The following PIK3C2G variants were observed in gnomAD, a reference collection of about 807,000 sequenced individuals.
The protein encoded by PIK3C2G is phosphatidylinositol-4-phosphate 3-kinase catalytic subunit type 2 gamma.
In PIK3C2G, 168 loss-of-function variants were observed where a neutral mutation model predicts 181.1. That is an observed-to-expected ratio of 0.93 (90% CI 0.82 to 1.05). PIK3C2G has a LOEUF of 1.05. PIK3C2G is among the 50% of genes least tolerant of loss of function. The pLI, the probability that PIK3C2G is intolerant of heterozygous loss-of-function variation, is 0.00. For missense variants in PIK3C2G, 1,869 were observed against 1,732.8 expected (o/e 1.08, Z -1.40); for synonymous variants, 573 against 592.2 (o/e 0.97, Z 0.47).
At chr12:18,306,258 C>T (rs1239125122) in intron 5 of PIK3C2G, among the ~76,000 whole-genome samples, 1 of 151,908 alleles carries the variant, frequency 6.6e-6, no homozygotes, top group Non-Finnish European at 1.5e-5. Flanking sequence ...TGGTCCAAAT[C>T]CCTCTTGAGT....
At chr12:18,534,815 G>GA (rs148775105) in intron 24 of PIK3C2G, among the ~76,000 whole-genome samples, 11,703 of 123,612 alleles carry the variant, frequency 0.095, 688 homozygotes, top group African/African-American at 0.19. Flanking sequence ...AGAGAGAGAT[G>GA]AAAAAAAAAA....
intron 11 of PIK3C2G, among the ~76,000 whole-genome samples, chr12:18,350,479 G>C (rs1174941082): frequency 6.6e-6 from 1 of 152,052 alleles, no homozygotes; most frequent in South Asian, 2.1e-4. Flanking sequence ...TGTGCACAGG[G>C]GCAAGTTGAA....
intron 18 of PIK3C2G, among the ~76,000 whole-genome samples, chr12:18,485,538 A>G (rs377192196): frequency 1.7e-4 from 26 of 152,296 alleles, no homozygotes; most frequent in African/African-American, 5.8e-4. Context: ...TCTAGATTTT[A>G]TGCATTCATC....
At chr12:18,459,396 C>G (rs189176751) in intron 18 of PIK3C2G, among the ~76,000 whole-genome samples, 1 of 152,198 alleles carries the variant, frequency 6.6e-6, no homozygotes, top group African/African-American at 2.4e-5. Context: ...AATAAACTAG[C>G]CTATGTTAGG....
intron 24 of PIK3C2G, among the ~76,000 whole-genome samples, chr12:18,523,450 G>T (rs1177011625): frequency 1.3e-5 from 2 of 152,176 alleles, no homozygotes; most frequent in Non-Finnish European, 2.9e-5. Flanking sequence ...AGCAACATTG[G>T]TAGGATCACT....
At chr12:18,486,475 G>A (rs899679567) in intron 18 of PIK3C2G, among the ~76,000 whole-genome samples, 2 of 151,900 alleles carry the variant, frequency 1.3e-5, no homozygotes, top group African/African-American at 4.8e-5. Context: ...AGTATTATAC[G>A]TACAAATTAA....
At chr12:18,686,142 C>T in the PIK3C2G span, among the ~76,000 whole-genome samples, 3 of 151,948 alleles carry the variant, frequency 2.0e-5, no homozygotes, top group South Asian at 6.2e-4. Flanking sequence ...CATTCCTTTC[C>T]TACTGCCACG....
rs77412999 is a variant in PIK3C2G, at chr12:18,484,566, C to A, written c.2505-3883C>A. On this transcript the variant is annotated intron_variant, in intron 18 of 32. Coordinates refer to ENST00000538779, the MANE Select transcript of PIK3C2G (RefSeq NM_001288772.2). ...GGAATTTGCATTATCTGCAGACTTG[C>A]CCCATATAATGCTCTTTATATGCAA... is the stretch of plus-strand genomic sequence containing the variant. 2.1e-4 allele frequency among the ~76,000 whole-genome samples: 32 copies of A among 152,198 alleles called. No homozygotes were observed. The East Asian group carries it at 4.8e-3, about 23-fold the overall frequency.
intron 18 of PIK3C2G, among the ~76,000 whole-genome samples, chr12:18,461,415 A>G (rs74070267): frequency 0.014 from 2,189 of 152,296 alleles, 64 homozygotes; most frequent in African/African-American, 0.05. Context: ...GTAGTTAAAC[A>G]CTTGCATATG....
At chr12:18,721,163 TTAAA>T in the PIK3C2G span, among the ~76,000 whole-genome samples, 1 of 152,094 alleles carries the variant, frequency 6.6e-6, no homozygotes, top group South Asian at 2.1e-4. Context: ...TACTGAATAA[TTAAA>T]TAAATATCTT....
In PIK3C2G at chr12:18,538,269, T is replaced by C. The variant is rs1353303066; in HGVS notation, c.3437T>C (p.Ile1146Thr). The change falls in exon 25 of 33, where the codon ATT becomes ACT. Residue 1146 changes from isoleucine to threonine, a missense_variant. Physicochemically the swap from Ile to Thr is moderately conservative, Grantham distance 89. Transcript: ENST00000538779. The stretch of plus-strand genomic sequence containing the variant: ...GAACTTTGCTGTCGTGCTTATAATA[T>C]TATCAGAAAGCACAGCCAACTGCTC... ...FVELCCRAYN[I>T]IRKHSQLLLN... 1 of 1,611,944 alleles carries C rather than the reference T, an allele frequency of 6.2e-7. No individual in the cohort carries two copies. Among genetic ancestry groups the C allele is most frequent in the Non-Finnish European group, 8.5e-7 (1 of 1,178,948 alleles).
chr12:18,276,964 A>G (rs1450637733), intron 1 of PIK3C2G, among the ~76,000 whole-genome samples: 1 of 152,192 alleles, frequency 6.6e-6, no homozygotes. Flanking sequence ...GAAAACATCA[A>G]TTGTTCGCAT....
chr12:18,299,017 G>A (rs555173209), intron 5 of PIK3C2G, among the ~76,000 whole-genome samples: 142 of 151,986 alleles, frequency 9.3e-4, no homozygotes, highest in African/African-American at 3.3e-3. Context: ...GCTCAAGATT[G>A]CATTCACTAT....
At chr12:18,636,634 T>A (rs1565586401) in intron 31 of PIK3C2G, among the ~76,000 whole-genome samples, 1 of 152,092 alleles carries the variant, frequency 6.6e-6, no homozygotes, top group Non-Finnish European at 1.5e-5. Context: ...TGAAACCACA[T>A]CTAGTATAGC....
downstream of PIK3C2G, among the ~76,000 whole-genome samples, chr12:18,650,704 G>GTATATATCTATATATATA (rs1950449180): frequency 1.7e-5 from 1 of 57,764 alleles, no homozygotes; most frequent in African/African-American, 5.2e-5. Flanking sequence ...GTGTGTGTGT[G>GTATATATCTATATATATA]TATATATCTA....
chr12:18,651,403 C>T (rs548802821), downstream of PIK3C2G, among the ~76,000 whole-genome samples: 81 of 152,230 alleles, frequency 5.3e-4, 1 homozygote, highest in South Asian at 0.016. Flanking sequence ...ATCTTATGCA[C>T]TTATCATCTT....
intron 9 of PIK3C2G, among the ~76,000 whole-genome samples, chr12:18,339,998 A>T (rs1401385668): frequency 6.6e-6 from 1 of 152,154 alleles, no homozygotes; most frequent in Non-Finnish European, 1.5e-5. Context: ...TAATAAGGAA[A>T]CACCTTCTCT....
chr12:18,536,531 C>A (rs1297158093), intron 24 of PIK3C2G, among the ~76,000 whole-genome samples: 1 of 152,064 alleles, frequency 6.6e-6, no homozygotes, highest in Non-Finnish European at 1.5e-5. Context: ...ACAGTTTGTG[C>A]CTCTGCAAAA....
intron 5 of PIK3C2G, among the ~76,000 whole-genome samples, chr12:18,299,472 T>G (rs1950085037): frequency 6.6e-6 from 1 of 151,950 alleles, no homozygotes; most frequent in South Asian, 2.1e-4. Context: ...GAATATGAGA[T>G]CCTGTCATCT....
Sources: gnomAD v4.1 joint callset for allele counts (sites outside exome capture counted in the v4.1 genomes callset) on GRCh38, gnomAD v4.1.1 for gene constraint, MANE v1.5 for transcripts, NCBI Gene and HGNC (gene_info 2026-07-23, HGNC 2026-07-21) for gene names.